The following EPHA6 variants were observed in gnomAD, a reference collection of about 807,000 sequenced individuals.
EPHA6 encodes EPH receptor A6.
EPHA6 carries 50 observed loss-of-function variants against 112.0 expected under a neutral mutation model. That is an observed-to-expected ratio of 0.45 (90% confidence interval 0.36 to 0.56). The LOEUF is 0.56. EPHA6 is among the 20% of genes least tolerant of loss of function. EPHA6 has a pLI of 0.00. For missense variants in EPHA6, 1,280 were observed against 1,417.4 expected (o/e 0.90, Z 1.56); for synonymous variants, 529 against 490.7 (o/e 1.08, Z -1.03).
chr3:97,478,867 CT>C (rs1478197587), intron 8 of EPHA6, among the ~76,000 whole-genome samples: 1 of 151,300 alleles, frequency 6.6e-6, no homozygotes. Flanking sequence ...TAGAACATGC[CT>C]CTACCAAATT....
At position 97,753,313 on chromosome 3, in the gene EPHA6, C is replaced by T. The variant is rs918990488; in HGVS notation, c.*4612C>T. On this transcript the variant is annotated 3_prime_UTR_variant, in exon 18 of 18. Coordinates refer to ENST00000389672, the MANE Select transcript of EPHA6 (RefSeq NM_001080448.3). ...ATGTTTGCTATGGTTGCCATGTCAC[C>T]GGGGGATAGCACTTTCCATAGAATA... Among the ~76,000 whole-genome samples the T allele has an allele frequency of 2.0e-5, 3 of 151,972 alleles. No homozygotes were observed. The highest frequency in any genetic ancestry group is 7.2e-5 in the African/African-American group (3 of 41,386).
At chr3:96,944,863 C>T (rs1484534955) in intron 2 of EPHA6, among the ~76,000 whole-genome samples, 3 of 152,072 alleles carry the variant, frequency 2.0e-5, no homozygotes, top group Non-Finnish European at 4.4e-5. Context: ...TTGCTTGAAC[C>T]CGGGAGGCAG....
chr3:97,538,943 A>G (rs1385177882), intron 11 of EPHA6, among the ~76,000 whole-genome samples: 1 of 152,248 alleles, frequency 6.6e-6, no homozygotes, highest in East Asian at 1.9e-4. Flanking sequence ...AGTAATATTT[A>G]TGAACTGCCT....
chr3:97,481,210 A>C, intron 9 of EPHA6: 2 of 1,230,548 alleles, frequency 1.6e-6, no homozygotes, highest in Non-Finnish European at 2.4e-6. Context: ...TGGAAAAGAC[A>C]ACCTTTTTCT....
Position 97,648,440 on chromosome 3 carries a change from G to A in EPHA6, c.2784+10358G>A, listed in dbSNP as rs2094083855. On this transcript the variant is annotated intron_variant, in intron 14 of 17. Transcript: ENST00000389672. Reference sequence around the variant, plus strand: ...AGCATGAGGGGAAGGTATTTAATGTGTATTTTAAAGTTGGGAGAGATTCTC... The same window carrying A: ...AGCATGAGGGGAAGGTATTTAATGTATATTTTAAAGTTGGGAGAGATTCTC... 3 of 1,348,084 alleles carry A rather than the reference G, an allele frequency of 2.2e-6. No individual in the cohort carries two copies. In the South Asian group the frequency reaches 6.8e-5, roughly 31 times the overall value. 83.5% of individuals were successfully genotyped at this position (1,348,084 alleles called of 1,614,324 possible). A position where few individuals can be genotyped will look rare whatever the true frequency, so the allele number is the denominator to read the frequency against.
At chr3:97,089,608 C>G (rs1021257626) in intron 3 of EPHA6, among the ~76,000 whole-genome samples, 2 of 152,116 alleles carry the variant, frequency 1.3e-5, no homozygotes, top group Admixed American at 1.3e-4. Context: ...GCTACTCAAA[C>G]AAATAGAAAT....
chr3:97,044,881 A>G (rs901369601), intron 3 of EPHA6, among the ~76,000 whole-genome samples: 3 of 152,106 alleles, frequency 2.0e-5, no homozygotes, highest in Admixed American at 6.6e-5. Context: ...AAAACAAAGT[A>G]TATGCATTAA....
intron 10 of EPHA6, among the ~76,000 whole-genome samples, chr3:97,490,148 T>C (rs899632871): frequency 1.3e-5 from 2 of 152,182 alleles, no homozygotes; most frequent in Admixed American, 1.3e-4. Context: ...CAAAAGGATA[T>C]AGAATTATTC....
rs1340368375 is a variant in EPHA6 at position 97,544,555 on chromosome 3, T to G, written c.2386+12012T>G. Among the ~76,000 whole-genome samples, 3 of 152,210 alleles carry G rather than the reference T, an allele frequency of 2.0e-5. No homozygotes were observed. The East Asian group carries it at 5.8e-4, about 29-fold the overall frequency. On this transcript the variant is annotated intron_variant, in intron 11 of 17. Coordinates refer to ENST00000389672, the MANE Select transcript of EPHA6 (RefSeq NM_001080448.3). ...CAAGGACATTGGTCTAAAATTCTCT[T>G]TTTTTGTTGTGTCTCTGCCAGGCTT...
chr3:96,920,511 C>A (rs1383270006), intron 2 of EPHA6, among the ~76,000 whole-genome samples: 4 of 151,916 alleles, frequency 2.6e-5, no homozygotes, highest in Non-Finnish European at 2.9e-5. Flanking sequence ...TGTCAAAATT[C>A]TCTTGGTCAA....
intron 10 of EPHA6, among the ~76,000 whole-genome samples, chr3:97,522,496 G>A (rs1292999779): frequency 1.3e-5 from 2 of 152,104 alleles, no homozygotes; most frequent in Non-Finnish European, 2.9e-5. Flanking sequence ...CAAGGATATA[G>A]GCTTGTAGTT....
At chr3:96,976,694 C>T (rs750973592) in intron 2 of EPHA6, among the ~76,000 whole-genome samples, 2 of 152,072 alleles carry the variant, frequency 1.3e-5, no homozygotes, top group African/African-American at 2.4e-5. Flanking sequence ...TGGTCTTGCC[C>T]GTTCACTCCT....
intron 11 of EPHA6, chr3:97,572,724 G>C (rs1380725570): frequency 6.6e-6 from 1 of 152,090 alleles, no homozygotes; most frequent in East Asian, 1.9e-4. Context: ...CAACTTTCCT[G>C]AGGTGATGTC....
rs143678043 is a variant in EPHA6 at position 96,942,743 on chromosome 3, C to T, written c.451-44587C>T. 1.6e-3 allele frequency among the ~76,000 whole-genome samples: 241 copies of T among 152,304 alleles called. 1 individual carries two copies. Among genetic ancestry groups the T allele is most frequent in the Non-Finnish European group, 2.7e-3 (181 of 68,022 alleles). The stretch of plus-strand genomic sequence containing the variant: ...GCTGTAGACCGGAGCTGTTCCTATT[C>T]GGCCATCTTGGCTCCCGCTGCTCTT... On this transcript the variant is annotated intron_variant, in intron 2 of 17. Coordinates refer to ENST00000389672, the MANE Select transcript of EPHA6 (RefSeq NM_001080448.3).
At chr3:96,952,850 C>G (rs1246661355) in intron 2 of EPHA6, among the ~76,000 whole-genome samples, 1 of 151,860 alleles carries the variant, frequency 6.6e-6, no homozygotes, top group African/African-American at 2.4e-5. Flanking sequence ...CTGTAGTATG[C>G]CACAGTGTCT....
At chr3:97,478,284 A>G (rs2091434094) in intron 8 of EPHA6, among the ~76,000 whole-genome samples, 1 of 152,152 alleles carries the variant, frequency 6.6e-6, no homozygotes, top group Admixed American at 6.5e-5. Flanking sequence ...AAAGCATTTC[A>G]TTAAGGCATC....
At chr3:97,160,306 T>C (rs1048210083) in intron 3 of EPHA6, among the ~76,000 whole-genome samples, 1 of 152,122 alleles carries the variant, frequency 6.6e-6, no homozygotes, top group Non-Finnish European at 1.5e-5. Context: ...TTAGATGGAA[T>C]CTCGCTCTGT....
At chr3:97,074,174 G>A (rs1163415342) in intron 3 of EPHA6, among the ~76,000 whole-genome samples, 2 of 151,662 alleles carry the variant, frequency 1.3e-5, no homozygotes, top group Non-Finnish European at 2.9e-5. Context: ...TTCTTGATGG[G>A]CATTTAAATT....
At position 97,110,628 on chromosome 3, in the gene EPHA6, G is replaced by A. The variant is rs942628057; in HGVS notation, c.1115-115636G>A. On this transcript the variant is annotated intron_variant, in intron 3 of 17. Coordinates refer to ENST00000389672, the MANE Select transcript of EPHA6 (RefSeq NM_001080448.3). The stretch of plus-strand genomic sequence containing the variant: ...CAGCCTCTGTCTCCAGGGTTCAAGC[G>A]ATCCTCCCTCCTCAGCCTCCCAAGT... Among the ~76,000 whole-genome samples the A allele has an allele frequency of 4.6e-5, 7 of 152,022 alleles. No individual in the cohort carries two copies. The East Asian group carries it at 1.4e-3, about 29-fold the overall frequency.
Sources: gnomAD v4.1 joint callset for allele counts (sites outside exome capture counted in the v4.1 genomes callset) on GRCh38, gnomAD v4.1.1 for gene constraint, MANE v1.5 for transcripts, NCBI Gene and HGNC (gene_info 2026-07-23, HGNC 2026-07-21) for gene names.